The following AKAP10 variants were observed in gnomAD, a reference collection of about 807,000 sequenced individuals.
AKAP10 encodes the protein A-kinase anchoring protein 10, also known as A-kinase anchor protein 10, mitochondrial.
AKAP10 carries 24 observed loss-of-function variants against 80.8 expected under a neutral mutation model. That is an observed-to-expected ratio of 0.30 (90% confidence interval 0.22 to 0.42). The LOEUF is 0.42. AKAP10 is among the 10% of genes least tolerant of loss of function. The pLI is 1.00. For synonymous variants in AKAP10, 291 were observed against 277.7 expected, an observed-to-expected ratio of 1.05 and a Z score of -0.48; for missense variants, 661 against 794.9, an observed-to-expected ratio of 0.83 and a Z score of 2.03.
intron 14 of AKAP10, among the ~76,000 whole-genome samples, chr17:19,907,144 A>G (rs1385926126): frequency 1.3e-5 from 2 of 150,600 alleles, no homozygotes; most frequent in Non-Finnish European, 3.0e-5. Flanking sequence ...CAGCCTCCCA[A>G]GTAGCTGGGA....
At chr17:19,953,218 G>A (rs1014203752) in intron 4 of AKAP10, among the ~76,000 whole-genome samples, 3 of 152,008 alleles carry the variant, frequency 2.0e-5, no homozygotes, top group Non-Finnish European at 4.4e-5. Context: ...TTTGTGCTCA[G>A]TTCAAAATAC....
chr17:19,975,806 C>T lies in AKAP10; in HGVS notation c.88+1786G>A, dbSNP rs984839356. On this transcript the variant is annotated intron_variant, in intron 1 of 14. Transcript: ENST00000225737. ...AAAGGTATTTGTTGAATAGAGACAA[C>T]AGTCTCTTGTGCAATATGCAGTTTG... 7.2e-5 allele frequency among the ~76,000 whole-genome samples: 11 copies of T among 152,280 alleles called. 1 individual carries two copies. Among genetic ancestry groups the T allele is most frequent in the Admixed American group, 6.5e-4 (10 of 15,288 alleles).
chr17:19,943,866 G>A (rs757924818), intron 5 of AKAP10, among the ~76,000 whole-genome samples: 5 of 152,136 alleles, frequency 3.3e-5, no homozygotes, highest in Non-Finnish European at 7.3e-5. Context: ...TGACTTAGAG[G>A]ACACCCAGTT....
chr17:19,946,275 ATTT>A (rs71157846), intron 5 of AKAP10, among the ~76,000 whole-genome samples: 528 of 12,880 alleles, frequency 0.041, 34 homozygotes, highest in Admixed American at 0.1. Flanking sequence ...ATATATATAT[ATTT>A]TTTTTTTTTT....
chr17:19,962,289 T>C lies in AKAP10; in HGVS notation c.319+551A>G, dbSNP rs571837103. ...ATACATACATACATACATACATACA[T>C]ACATATACACACACACACACACACA... On this transcript the variant is annotated intron_variant, in intron 3 of 14. Coordinates refer to ENST00000225737, the MANE Select transcript of AKAP10 (RefSeq NM_007202.4). 5.1e-4 allele frequency among the ~76,000 whole-genome samples: 72 copies of C among 139,844 alleles called. No homozygotes were observed. In the East Asian group the frequency reaches 0.015, roughly 29 times the overall value. The allele number at this position is 139,844 out of a possible 152,430, so 91.7% of individuals were successfully genotyped here. A position where few individuals can be genotyped will look rare whatever the true frequency, so the allele number is the denominator to read the frequency against.
intron 3 of AKAP10, among the ~76,000 whole-genome samples, chr17:19,958,936 TC>T (rs1180776469): frequency 4.4e-4 from 59 of 134,078 alleles, no homozygotes; most frequent in African/African-American, 1.6e-3. Context: ...GCAACCAACC[TC>T]CACCTCCCGG....
Position 19,941,873 on chromosome 17 carries a change from G to A in AKAP10, c.1014C>T (p.Asn338=). ...CTATGGACTGTGCCAAAACGAAACA[G>A]TTGGGATCCACCTGTCCATCTTCTC... is the stretch of plus-strand genomic sequence containing the variant. The part of the protein sequence containing the change: ...ICGEDGQVDP[N]CFVLAQSIVF... Residue 338 remains asparagine (N), a synonymous_variant, in exon 6 of 15, where the codon AAC becomes AAT. Transcript: ENST00000225737. 1.9e-6 allele frequency: 3 copies of A among 1,610,784 alleles called. No homozygotes were observed. Among genetic ancestry groups the A allele is most frequent in the Non-Finnish European group, 2.5e-6 (3 of 1,178,542 alleles).
chr17:19,945,354 A>T (rs1363598258), intron 5 of AKAP10, among the ~76,000 whole-genome samples: 6 of 152,196 alleles, frequency 3.9e-5, no homozygotes, highest in Non-Finnish European at 5.9e-5. Flanking sequence ...TCACTAGCCA[A>T]CCAATTCTTC....
intron 1 of AKAP10, among the ~76,000 whole-genome samples, chr17:19,970,039 C>A (rs547839258): frequency 6.6e-6 from 1 of 152,154 alleles, no homozygotes; most frequent in Non-Finnish European, 1.5e-5. Flanking sequence ...ACCATAGATA[C>A]GCTGTTACTC....
At chr17:19,910,580 A>C (rs1364115697) in intron 12 of AKAP10, among the ~76,000 whole-genome samples, 1 of 152,224 alleles carries the variant, frequency 6.6e-6, no homozygotes, top group Non-Finnish European at 1.5e-5. Context: ...GAAAGAACTA[A>C]CATCTAGTGT....
intron 10 of AKAP10, among the ~76,000 whole-genome samples, chr17:19,930,240 C>T (rs931400387): frequency 3.6e-4 from 55 of 152,112 alleles, no homozygotes; most frequent in African/African-American, 1.3e-3. Flanking sequence ...TATTATGCTA[C>T]ATTAAGCTGA....
At chr17:19,968,611 G>A (rs1473954664) in intron 1 of AKAP10, 150 bp from the exon 2 acceptor site, 2 of 589,160 alleles carry the variant, frequency 3.4e-6, no homozygotes, top group Non-Finnish European at 5.9e-6. Flanking sequence ...GAGGGTAGTT[G>A]TCAGCAAAGG....
intron 10 of AKAP10, among the ~76,000 whole-genome samples, chr17:19,928,594 C>A (rs1431285727): frequency 2.0e-5 from 3 of 152,034 alleles, no homozygotes; most frequent in Non-Finnish European, 2.9e-5. Flanking sequence ...ATGAAAACCA[C>A]AGCCGGGCAT....
chr17:19,923,930 T>C (rs1379629999), intron 11 of AKAP10, among the ~76,000 whole-genome samples: 2 of 152,204 alleles, frequency 1.3e-5, no homozygotes, highest in East Asian at 3.8e-4. Flanking sequence ...ATCAAGCCTT[T>C]ACACACCTTT....
chr17:19,916,939 A>AAAATAAAT (rs753215350), intron 12 of AKAP10, among the ~76,000 whole-genome samples: 26 of 142,646 alleles, frequency 1.8e-4, no homozygotes, highest in Non-Finnish European at 3.5e-4. Context: ...TCTGTCTCAA[A>AAAATAAAT]AAATAAATAA....
intron 12 of AKAP10, among the ~76,000 whole-genome samples, chr17:19,917,374 T>C (rs978394919): frequency 1.3e-5 from 2 of 152,178 alleles, no homozygotes; most frequent in African/African-American, 4.8e-5. Context: ...CTAAAGACAC[T>C]GTAGAGTTCT....
At chr17:19,913,766 A>T (rs1272067552) in intron 12 of AKAP10, among the ~76,000 whole-genome samples, 4 of 152,228 alleles carry the variant, frequency 2.6e-5, no homozygotes, top group Admixed American at 2.6e-4. Flanking sequence ...TCAGTGTGGC[A>T]AAGGGCAACC....
rs113388174 is a variant in AKAP10 at position 19,961,025 on chromosome 17, T to TAAACAAAC, written c.319+1807_319+1814dup. ...CTGTGAGACTCCGTCTACAAATAAA[T>TAAACAAAC]AAACAAACAAACAAACAAACAAACA... On this transcript the variant is annotated intron_variant, in intron 3 of 14. Coordinates refer to ENST00000225737, the MANE Select transcript of AKAP10 (RefSeq NM_007202.4). Among the ~76,000 whole-genome samples, 266 of 146,566 alleles carry TAAACAAAC rather than the reference T, an allele frequency of 1.8e-3. 2 individuals are homozygous for TAAACAAAC. The highest frequency in any genetic ancestry group is 0.014 in the Middle Eastern group (4 of 284).
intron 12 of AKAP10, among the ~76,000 whole-genome samples, chr17:19,916,529 C>T (rs144813726): frequency 3.3e-5 from 5 of 152,076 alleles, no homozygotes; most frequent in African/African-American, 9.6e-5. Flanking sequence ...ATAAAACAAA[C>T]AGAAACTGCA....
Sources: allele counts gnomAD v4.1 joint callset (sites outside exome capture counted in the v4.1 genomes callset), GRCh38; gene constraint gnomAD v4.1.1; transcripts MANE v1.5; gene names NCBI Gene and HGNC (gene_info 2026-07-23, HGNC 2026-07-21).